DGKG: variants seen among roughly 807,000 people sequenced by gnomAD.
DGKG encodes the protein diacylglycerol kinase gamma.
In DGKG, 78 loss-of-function variants were observed where a neutral mutation model predicts 105.3. The observed-to-expected ratio is 0.74, with a 90% CI of 0.62 to 0.89. DGKG has a LOEUF of 0.89. Ranked by LOEUF, DGKG falls within the 40% of genes least tolerant of loss-of-function variation. DGKG has a pLI of 0.00. For missense variants in DGKG, 958 were observed against 1,020.1 expected, an observed-to-expected ratio of 0.94 and a Z score of 0.83; for synonymous variants, 346 against 367.1, an observed-to-expected ratio of 0.94 and a Z score of 0.66.
At chr3:186,262,515 C>T (rs958228469) in intron 14 of DGKG, among the ~76,000 whole-genome samples, 16 of 152,200 alleles carry the variant, frequency 1.1e-4, no homozygotes, top group African/African-American at 3.9e-4. Context: ...CACACAGTTC[C>T]TTCCCAGGAC....
At chr3:186,188,624 C>G (rs933240533) in intron 21 of DGKG, among the ~76,000 whole-genome samples, 7 of 152,072 alleles carry the variant, frequency 4.6e-5, no homozygotes, top group African/African-American at 1.7e-4. Flanking sequence ...AGTACAGGCT[C>G]CAGGGTCATC....
intron 10 of DGKG, among the ~76,000 whole-genome samples, chr3:186,273,893 C>T (rs1361224867): frequency 6.6e-6 from 1 of 152,206 alleles, no homozygotes; most frequent in Non-Finnish European, 1.5e-5. Context: ...CATCACGGGG[C>T]GGGCGGCAGG....
Position 186,251,742 on chromosome 3 carries a change from A to G in DGKG, c.1761+17T>C, listed in dbSNP as rs762254942. 3.1e-6 allele frequency: 5 copies of G among 1,614,034 alleles called. No individual in the cohort carries two copies. Among genetic ancestry groups the G allele is most frequent in the Non-Finnish European group, 3.4e-6 (4 of 1,179,934 alleles). ...CGTTTCCCTTCCATACAGAAAGGTG[A>G]TCTTTGACCAACTCACCACACCAAT... On this transcript the variant is annotated intron_variant, in intron 19 of 24. Coordinates refer to ENST00000265022, the MANE Select transcript of DGKG (RefSeq NM_001346.3).
intron 6 of DGKG, among the ~76,000 whole-genome samples, chr3:186,286,309 A>G (rs928497305): frequency 3.3e-5 from 5 of 152,234 alleles, no homozygotes; most frequent in African/African-American, 1.2e-4. Context: ...CATAGAGGAC[A>G]GACCTTTTCT....
At chr3:186,287,008 T>A (rs1296790435) in intron 6 of DGKG, among the ~76,000 whole-genome samples, 1 of 138,152 alleles carries the variant, frequency 7.2e-6, no homozygotes, top group African/African-American at 2.9e-5. Flanking sequence ...CACTCTAGCT[T>A]GGGCAACAAG....
rs78311875 is a variant in DGKG, at chr3:186,307,863, A to G, written c.68-886T>C. Among the ~76,000 whole-genome samples, 1,463 of 148,658 alleles carry G rather than the reference A, an allele frequency of 9.8e-3. 16 individuals carry two copies. The highest frequency in any genetic ancestry group is 0.017 in the Non-Finnish European group (1,132 of 67,606). ...CAAGATAGTTTCTTCTACTTCTGGA[A>G]TCTTGACAACTCTGTCCCTTTTTTT... On this transcript the variant is annotated intron_variant, in intron 2 of 24. Transcript: ENST00000265022.
chr3:186,334,560 C>A lies in DGKG; in HGVS notation c.-248-13853G>T, dbSNP rs373565301. ...CAGACAATATGTCCCTGGATGGCCTCCTCTACCCCAGAGGTGTCTAGAACC... is the reference window on the plus strand; with the variant it reads ...CAGACAATATGTCCCTGGATGGCCTACTCTACCCCAGAGGTGTCTAGAACC... On this transcript the variant is annotated intron_variant, in intron 1 of 24. Transcript: ENST00000265022. 2.0e-5 allele frequency among the ~76,000 whole-genome samples: 3 copies of A among 152,334 alleles called. No individual in the cohort carries two copies. In the East Asian group the frequency reaches 5.8e-4, roughly 29 times the overall value.
intron 19 of DGKG, among the ~76,000 whole-genome samples, chr3:186,244,127 T>A (rs1270594740): frequency 6.6e-6 from 1 of 151,656 alleles, no homozygotes; most frequent in Non-Finnish European, 1.5e-5. Flanking sequence ...GAACCTCAGG[T>A]GATCTGCCCG....
At chr3:186,155,344 C>G (rs745847542) in intron 24 of DGKG, among the ~76,000 whole-genome samples, 1 of 152,114 alleles carries the variant, frequency 6.6e-6, no homozygotes, top group Non-Finnish European at 1.5e-5. Flanking sequence ...AGGCACCCAC[C>G]ACCATGCTCG....
At chr3:186,301,350 G>A (rs906545527) in intron 3 of DGKG, among the ~76,000 whole-genome samples, 3 of 152,156 alleles carry the variant, frequency 2.0e-5, no homozygotes, top group East Asian at 1.9e-4. Flanking sequence ...TCCATGTGAC[G>A]GGTGCGGTGG....
intron 24 of DGKG, chr3:186,161,105 G>T (rs1215567994): frequency 8.4e-5 from 83 of 987,256 alleles, no homozygotes; most frequent in Non-Finnish European, 9.6e-5. Flanking sequence ...CGACTGGGAG[G>T]CATGTCTGTG....
In DGKG at chr3:186,172,546, C is replaced by T. The variant is rs376912588; in HGVS notation, c.2096-7528G>A. ...TTTACCTGGGTTACAGCAGCACTGG[C>T]GTGCTGAGATGTTAGGTGCTATTGT... On this transcript the variant is annotated intron_variant, in intron 22 of 24. Transcript: ENST00000265022. 1.5e-3 allele frequency among the ~76,000 whole-genome samples: 226 copies of T among 152,328 alleles called. 1 individual carries two copies. Among genetic ancestry groups the T allele is most frequent in the African/African-American group, 5.1e-3 (210 of 41,568 alleles).
chr3:186,284,610 TC>T lies in DGKG; in HGVS notation c.594+49del. 6.7e-7 allele frequency: 1 copy of T among 1,490,518 alleles called. No homozygotes were observed. The highest frequency in any genetic ancestry group is 9.4e-7 in the Non-Finnish European group (1 of 1,068,352). The allele number at this position is 1,490,518 out of a possible 1,614,324, so 92.3% of individuals were successfully genotyped here. A position where few individuals can be genotyped will look rare whatever the true frequency, so the allele number is the denominator to read the frequency against. ...GATTCTTCCTCTGCTTGCTCCCTGC[TC>T]CCCCAGCCTTTCTCAGGTCCATGAG... On this transcript the variant is annotated intron_variant, in intron 7 of 24. Coordinates refer to ENST00000265022, the MANE Select transcript of DGKG (RefSeq NM_001346.3). The surrounding 1 kb of genome is among the most constrained non-coding windows in gnomAD (Gnocchi z 4.0).
intron 1 of DGKG, among the ~76,000 whole-genome samples, chr3:186,345,204 G>T (rs558170070): frequency 6.6e-6 from 1 of 152,050 alleles, no homozygotes; most frequent in African/African-American, 2.4e-5. Flanking sequence ...TCAATAAAAT[G>T]ACTTCTGCTT....
intron 16 of DGKG, 97 bp downstream of exon 16, chr3:186,260,338 AGTTG>A (rs1357271360): frequency 2.4e-6 from 2 of 839,084 alleles, no homozygotes; most frequent in Non-Finnish European, 3.9e-6. Context: ...GGAAGGAACA[AGTTG>A]AGAGACGAAA....
At chr3:186,240,716 G>A (rs139826269) in intron 20 of DGKG, among the ~76,000 whole-genome samples, 4 of 151,854 alleles carry the variant, frequency 2.6e-5, no homozygotes, top group East Asian at 1.9e-4. Flanking sequence ...AGGCTGAGAC[G>A]GAAGAATTGT....
chr3:186,310,194 G>A (rs1334875179), intron 2 of DGKG, among the ~76,000 whole-genome samples: 1 of 143,480 alleles, frequency 7.0e-6, no homozygotes, highest in Non-Finnish European at 1.5e-5. Flanking sequence ...TTGAACCCAG[G>A]AGGCGGAGCT....
intron 2 of DGKG, among the ~76,000 whole-genome samples, chr3:186,314,609 C>T (rs772725182): frequency 1.3e-5 from 2 of 151,996 alleles, no homozygotes; most frequent in Non-Finnish European, 2.9e-5. Flanking sequence ...ACAAAATTAG[C>T]TGGGCATGGT....
At chr3:186,206,555 G>A (rs547119644) in intron 21 of DGKG, among the ~76,000 whole-genome samples, 3 of 152,022 alleles carry the variant, frequency 2.0e-5, no homozygotes, top group Admixed American at 6.5e-5. Flanking sequence ...TCTGGGCCTG[G>A]GGTGGGGGAG....
Sources: gnomAD v4.1 joint callset for allele counts (sites outside exome capture counted in the v4.1 genomes callset) on GRCh38, gnomAD v4.1.1 for gene constraint, Gnocchi (gnomAD v3.1) non-coding constraint, MANE v1.5 for transcripts, NCBI Gene and HGNC (gene_info 2026-07-23, HGNC 2026-07-21) for gene names.